The following BCLAF1 variants were observed in gnomAD, a reference collection of about 807,000 sequenced individuals.
The protein encoded by BCLAF1 is BCL2 associated transcription factor 1.
BCLAF1 carries 10 observed loss-of-function variants against 99.5 expected under a neutral mutation model. The ratio of observed to expected loss-of-function variants is 0.10; its 90% CI spans 0.06 to 0.17. The LOEUF (loss-of-function observed/expected upper bound fraction) is 0.17. Ranked by LOEUF, BCLAF1 falls within the 10% of genes least tolerant of loss-of-function variation. The probability of loss-of-function intolerance (pLI) is 1.00; values close to 1 mark genes in which losing one functional copy is unlikely to be tolerated. For missense variants in BCLAF1, 636 were observed against 1,105.8 expected, an observed-to-expected ratio of 0.58 and a Z score of 6.02; for synonymous variants, 255 against 370.9, an observed-to-expected ratio of 0.69 and a Z score of 3.59.
rs560036312 is a variant in BCLAF1 at position 136,258,790 on chromosome 6, A to G, written c.*2320T>C. 6.7e-4 allele frequency: 102 copies of G among 152,618 alleles called. No individual in the cohort carries two copies. The highest frequency in any genetic ancestry group is 2.3e-3 in the African/African-American group (96 of 41,586). The allele number at this position is 152,618 out of a possible 1,614,324, so 9.5% of individuals were successfully genotyped here. On this transcript the variant is annotated 3_prime_UTR_variant, in exon 13 of 13. Transcript: ENST00000531224. ...TCCTTGAAGAAGACTAACTGGAAAA[A>G]ACATTTTGCTTTTAGTATAAAAATT...
intron 11 of BCLAF1, among the ~76,000 whole-genome samples, chr6:136,262,898 G>A (rs1466450678): frequency 1.3e-5 from 2 of 152,070 alleles, no homozygotes; most frequent in African/African-American, 4.8e-5. Flanking sequence ...AATCTTATCA[G>A]AAACTGTGTG....
At chr6:136,264,417 G>A (rs1405530694) in intron 11 of BCLAF1, among the ~76,000 whole-genome samples, 1 of 152,142 alleles carries the variant, frequency 6.6e-6, no homozygotes, top group Non-Finnish European at 1.5e-5. Context: ...ATGTTGGCCA[G>A]GCTGTTCTTG....
chr6:136,276,079 G>T lies in BCLAF1; in HGVS notation c.1446C>A (p.Asp482Glu). Residue 482 changes from aspartate to glutamate, a missense_variant, in exon 5 of 13, where the codon GAC becomes GAA. This residue lies in a region of BCLAF1 where 186 missense variants were observed against 275.3 expected (regional missense o/e 0.68). Coordinates refer to ENST00000531224, the MANE Select transcript of BCLAF1 (RefSeq NM_014739.3). ...TTACTGTTATTCTTTCAGAATTTTT[G>T]TCTTCTTCTTTGTGCTTATCTTTTG... ...STTKDKHKEE[D>E]KNSERITVKK... 1.2e-6 allele frequency: 2 copies of T among 1,607,988 alleles called. No individual in the cohort carries two copies. Among genetic ancestry groups the T allele is most frequent in the Non-Finnish European group, 8.5e-7 (1 of 1,178,604 alleles).
chr6:136,272,106 AGT>A, intron 7 of BCLAF1, 27 bp from the exon 8 acceptor site: 1 of 1,474,694 alleles, frequency 6.8e-7, no homozygotes. Context: ...ATATATTTTT[AGT>A]CATATTATTA....
At chr6:136,270,709 T>C in intron 8 of BCLAF1, among the ~76,000 whole-genome samples, 1 of 151,878 alleles carries the variant, frequency 6.6e-6, no homozygotes, top group East Asian at 1.9e-4. Flanking sequence ...AACATGTTAT[T>C]CATCCAGACA....
Position 136,257,353 on chromosome 6 carries a change from T to TA in BCLAF1, c.*3756dup, listed in dbSNP as rs1355996050. 7 of 152,318 alleles carry TA rather than the reference T, an allele frequency of 4.6e-5. No individual in the cohort carries two copies. Among genetic ancestry groups the TA allele is most frequent in the African/African-American group, 1.2e-4 (5 of 41,570 alleles). 9.4% of individuals were successfully genotyped at this position (152,318 alleles called of 1,614,324 possible). Reference sequence around the variant, plus strand: ...TTTTAAAGGCCAAGGTATAGTCTAGTAACATAAAAAGAACTGGTACCCTTA... The same window carrying TA: ...TTTTAAAGGCCAAGGTATAGTCTAGTAAACATAAAAAGAACTGGTACCCTTA... On this transcript the variant is annotated 3_prime_UTR_variant, in exon 13 of 13. Coordinates refer to ENST00000531224, the MANE Select transcript of BCLAF1 (RefSeq NM_014739.3).
intron 3 of BCLAF1, among the ~76,000 whole-genome samples, chr6:136,278,994 A>ACACACAC (rs1554219524): frequency 2.8e-5 from 4 of 145,404 alleles, no homozygotes; most frequent in Non-Finnish European, 6.0e-5. Context: ...GAAGGCACAA[A>ACACACAC]ACACACACAC....
Position 136,261,457 on chromosome 6 carries a change from A to C in BCLAF1, c.2565T>G (p.Gly855=). ...KYFLHDDRDD[G]VDYWAKRGRG... ...TTCCTCTTTTGGCCCAATAATCCAC[A>C]CCATCATCTCTGTCGTCATGCTACA... is the stretch of plus-strand genomic sequence containing the variant. Residue 855 remains glycine, a synonymous_variant, in exon 12 of 13, where the codon GGT becomes GGG. Coordinates refer to ENST00000531224, the MANE Select transcript of BCLAF1 (RefSeq NM_014739.3). 6.2e-7 allele frequency: 1 copy of C among 1,613,458 alleles called. No individual in the cohort carries two copies. The highest frequency in any genetic ancestry group is 8.5e-7 in the Non-Finnish European group (1 of 1,179,674).
At chr6:136,279,023 A>ACACG (rs2128485028) in intron 3 of BCLAF1, among the ~76,000 whole-genome samples, 1 of 151,226 alleles carries the variant, frequency 6.6e-6, no homozygotes, top group South Asian at 2.1e-4. Context: ...ACACACACAC[A>ACACG]CACGCATGTG....
Position 136,258,327 on chromosome 6 carries a change from T to C in BCLAF1, c.*2783A>G, listed in dbSNP as rs1405666471. 1 of 152,112 alleles carries C rather than the reference T, an allele frequency of 6.6e-6. No homozygotes were observed. The highest frequency in any genetic ancestry group is 1.5e-5 in the Non-Finnish European group (1 of 67,912). 9.4% of individuals were successfully genotyped at this position (152,112 alleles called of 1,614,324 possible). On this transcript the variant is annotated 3_prime_UTR_variant, in exon 13 of 13. Coordinates refer to ENST00000531224, the MANE Select transcript of BCLAF1 (RefSeq NM_014739.3). ...CAGAATTCCTTTATTTCAAAATAAT[T>C]TTGGCTTAGATTTACCAACTGTAAA...
In BCLAF1 at chr6:136,278,323, TTCC is replaced by T; in HGVS notation, c.555_557del (p.Glu186del). 6.2e-7 allele frequency: 1 copy of T among 1,614,134 alleles called. No individual in the cohort carries two copies. ...GGTCATGTTCAAATGTATCTTTCGGTTCCTCCTGTGATTTACTTTTCAACGGAC... is the reference window on the plus strand; with the variant it reads ...GGTCATGTTCAAATGTATCTTTCGGTTCCTGTGATTTACTTTTCAACGGAC... On this transcript the variant is annotated inframe_deletion, in exon 4 of 13. Transcript: ENST00000531224.
In BCLAF1 at chr6:136,278,758, T is replaced by C; in HGVS notation, c.123A>G (p.Arg41=). ...CTCTACTACGAGACCTTGAATATGT[T>C]CTGGAACGAGACCTAGAACTAAAAA... is the stretch of plus-strand genomic sequence containing the variant. ...KKRYSSRSRS[R]TYSRSRSRDR... is the part of the protein sequence containing the mutation. The change falls in exon 4 of 13, where the codon AGA becomes AGG. Residue 41 remains arginine, a synonymous_variant. Transcript: ENST00000531224. The C allele has an allele frequency of 6.4e-7, 1 of 1,555,850 alleles. No individual in the cohort carries two copies. The highest frequency in any genetic ancestry group is 8.7e-7 in the Non-Finnish European group (1 of 1,154,014).
Position 136,258,039 on chromosome 6 carries a change from ATTT to A in BCLAF1, c.*3068_*3070del, listed in dbSNP as rs1213739512. The A allele has an allele frequency of 6.6e-6, 1 of 152,150 alleles. No homozygotes were observed. The highest frequency in any genetic ancestry group is 1.5e-5 in the Non-Finnish European group (1 of 67,962). 9.4% of individuals were successfully genotyped at this position (152,150 alleles called of 1,614,324 possible). ...CACACAGAGTTATTTCTCTCACAGA[ATTT>A]TTAAGGACTAATTTGCCATTTGTAT... On this transcript the variant is annotated 3_prime_UTR_variant, in exon 13 of 13. Coordinates refer to ENST00000531224, the MANE Select transcript of BCLAF1 (RefSeq NM_014739.3).
chr6:136,260,236 C>T lies in BCLAF1; in HGVS notation c.*874G>A, dbSNP rs1331633289. 1 of 152,004 alleles carries T rather than the reference C, an allele frequency of 6.6e-6. No individual in the cohort carries two copies. Among genetic ancestry groups the T allele is most frequent in the Non-Finnish European group, 1.5e-5 (1 of 67,890 alleles). 9.4% of individuals were successfully genotyped at this position (152,004 alleles called of 1,614,324 possible). On this transcript the variant is annotated 3_prime_UTR_variant, in exon 13 of 13. Transcript: ENST00000531224. ...CTTATTCTGCAGGATAGACCTCCTA[C>T]ATACCAACCCCAGGATTACAGTTTT... is the stretch of plus-strand genomic sequence containing the variant.
intron 8 of BCLAF1, among the ~76,000 whole-genome samples, chr6:136,270,536 T>C (rs576239240): frequency 5.3e-5 from 8 of 151,886 alleles, no homozygotes; most frequent in African/African-American, 1.2e-4. Context: ...CCAAATGATA[T>C]CAACTACTCA....
In BCLAF1 at chr6:136,275,656, G is replaced by C. The variant is rs1783193039; in HGVS notation, c.1728C>G (p.Val576=). 1 of 1,594,658 alleles carries C rather than the reference G, an allele frequency of 6.3e-7. No homozygotes were observed. The highest frequency in any genetic ancestry group is 8.5e-7 in the Non-Finnish European group (1 of 1,172,044). The stretch of plus-strand genomic sequence containing the variant: ...ATTCTTGCTCCTTCTTGACAGAATG[G>C]ACAAGTGTACTAGCAAGCAGCCTGT... The part of the protein sequence containing the change: ...TKDRLLASTL[V]HSVKKEQEFR... The change falls in exon 6 of 13, where the codon GTC becomes GTG. Residue 576 remains valine (V), a synonymous_variant. Coordinates refer to ENST00000531224, the MANE Select transcript of BCLAF1 (RefSeq NM_014739.3).
At chr6:136,271,343 G>A (rs1398747210) in intron 8 of BCLAF1, among the ~76,000 whole-genome samples, 3 of 151,714 alleles carry the variant, frequency 2.0e-5, no homozygotes, top group African/African-American at 7.3e-5. Context: ...GCCTGATATA[G>A]ATTAGTCTAC....
At position 136,257,230 on chromosome 6, in the gene BCLAF1, A is replaced by C. The variant is rs1260939735; in HGVS notation, c.*3880T>G. The C allele has an allele frequency of 6.6e-6, 1 of 152,202 alleles. No individual in the cohort carries two copies. Among genetic ancestry groups the C allele is most frequent in the Non-Finnish European group, 1.5e-5 (1 of 68,026 alleles). 9.4% of individuals were successfully genotyped at this position (152,202 alleles called of 1,614,324 possible). A position where few individuals can be genotyped will look rare whatever the true frequency, so the allele number is the denominator to read the frequency against. On this transcript the variant is annotated 3_prime_UTR_variant, in exon 13 of 13. Transcript: ENST00000531224. ...AAATATCCATAGGAAAAATTTTCCT[A>C]TATACAGATTACAATTAAGACACAT... is the stretch of plus-strand genomic sequence containing the variant.
chr6:136,258,117 CTT>C lies in BCLAF1; in HGVS notation c.*2991_*2992del, dbSNP rs1393762007. ...TAGTACACAAATTTCTGTGAAAATG[CTT>C]TGTTAAAACTGACAGGATGGCACAT... On this transcript the variant is annotated 3_prime_UTR_variant, in exon 13 of 13. Coordinates refer to ENST00000531224, the MANE Select transcript of BCLAF1 (RefSeq NM_014739.3). 11 of 152,030 alleles carry C rather than the reference CTT, an allele frequency of 7.2e-5. No individual in the cohort carries two copies. Among genetic ancestry groups the C allele is most frequent in the Admixed American group, 1.3e-4 (2 of 15,266 alleles). The allele number at this position is 152,030 out of a possible 1,614,324, so 9.4% of individuals were successfully genotyped here.
Sources: gnomAD v4.1 joint callset for allele counts (sites outside exome capture counted in the v4.1 genomes callset) on GRCh38, gnomAD v4.1.1 for gene constraint, gnomAD v4.1.1 regional missense constraint, MANE v1.5 for transcripts, NCBI Gene and HGNC (gene_info 2026-07-23, HGNC 2026-07-21) for gene names.